Variants in TTC28 observed in about 807,000 individuals in gnomAD.
The protein encoded by TTC28 is tetratricopeptide repeat protein 28.
A neutral mutation model predicts 198.0 loss-of-function variants in TTC28; 61 were observed. The ratio of observed to expected loss-of-function variants is 0.31; its 90% CI spans 0.25 to 0.38. The LOEUF is 0.38. Ranked by LOEUF, TTC28 falls within the 10% of genes least tolerant of loss-of-function variation. The pLI is 1.00. For missense variants in TTC28, 2,678 were observed against 3,164.0 expected, an observed-to-expected ratio of 0.85 and a Z score of 3.69; for synonymous variants, 1,171 against 1,297.8, an observed-to-expected ratio of 0.90 and a Z score of 2.10.
intron 2 of TTC28, among the ~76,000 whole-genome samples, chr22:28,562,597 C>T (rs1051847102): frequency 6.6e-6 from 1 of 151,908 alleles, no homozygotes; most frequent in Admixed American, 6.6e-5. Flanking sequence ...ATTATCTAAG[C>T]ACCTTGTACT....
intron 6 of TTC28, among the ~76,000 whole-genome samples, chr22:28,155,342 A>G (rs1943727494): frequency 6.6e-6 from 1 of 152,182 alleles, no homozygotes; most frequent in South Asian, 2.1e-4. Flanking sequence ...ATTCAATCTA[A>G]CCATACAAAT....
chr22:28,537,338 T>C (rs185324886), intron 2 of TTC28, among the ~76,000 whole-genome samples: 2,195 of 142,366 alleles, frequency 0.015, 74 homozygotes, highest in Non-Finnish European at 0.023. Context: ...TAAAATAAAA[T>C]AAAAACAAGA....
chr22:28,621,246 A>C (rs1173550740), intron 2 of TTC28, among the ~76,000 whole-genome samples: 1 of 152,220 alleles, frequency 6.6e-6, no homozygotes, highest in Non-Finnish European at 1.5e-5. Context: ...CAGAATCTTG[A>C]CTATCAATCC....
chr22:28,646,866 G>T (rs1393454452), intron 1 of TTC28, among the ~76,000 whole-genome samples: 1 of 147,714 alleles, frequency 6.8e-6, no homozygotes, highest in Non-Finnish European at 1.5e-5. Flanking sequence ...TCTGTCGAAA[G>T]AAAGAAAGGA....
chr22:28,437,514 C>A (rs695388), intron 2 of TTC28, among the ~76,000 whole-genome samples: 71,097 of 152,040 alleles, frequency 0.47, 17,146 homozygotes, highest in South Asian at 0.54. Context: ...AGAACATTTA[C>A]TAGACAAGGA....
intron 5 of TTC28, among the ~76,000 whole-genome samples, chr22:28,216,581 A>G (rs1343069097): frequency 6.6e-6 from 1 of 152,134 alleles, no homozygotes; most frequent in African/African-American, 2.4e-5. Flanking sequence ...CATACAAAGG[A>G]AAGGTTAAAA....
intron 1 of TTC28, among the ~76,000 whole-genome samples, chr22:28,663,347 A>G (rs2051783193): frequency 6.9e-6 from 1 of 145,952 alleles, no homozygotes; most frequent in Non-Finnish European, 1.5e-5. Flanking sequence ...CGTGAGCGAC[A>G]CAGAAGACGG....
intron 2 of TTC28, among the ~76,000 whole-genome samples, chr22:28,399,031 T>TA (rs1399059067): frequency 6.6e-5 from 10 of 151,448 alleles, no homozygotes; most frequent in African/African-American, 2.2e-4. Flanking sequence ...TTTTTTTTTT[T>TA]ACATTTCTAA....
intron 20 of TTC28, chr22:27,990,225 GC>G (rs1430999767): frequency 3.5e-6 from 2 of 567,908 alleles, no homozygotes; most frequent in Non-Finnish European, 2.8e-6. Context: ...AGGCTGTGTG[GC>G]CTCCTGGGGC....
chr22:28,127,487 G>T (rs1421908875), intron 6 of TTC28, among the ~76,000 whole-genome samples: 1 of 152,066 alleles, frequency 6.6e-6, no homozygotes, highest in Non-Finnish European at 1.5e-5. Flanking sequence ...AGATAATACT[G>T]TCCAATAACA....
At chr22:28,392,964 C>T (rs1018501796) in intron 2 of TTC28, among the ~76,000 whole-genome samples, 2 of 150,146 alleles carry the variant, frequency 1.3e-5, no homozygotes, top group Admixed American at 6.7e-5. Flanking sequence ...GCAACCTCGA[C>T]CTCCTGGGCT....
chr22:27,990,016 G>A lies in TTC28; in HGVS notation c.5578-9C>T. The A allele has an allele frequency of 6.5e-7, 1 of 1,549,244 alleles. No individual in the cohort carries two copies. Among genetic ancestry groups the A allele is most frequent in the African/African-American group, 1.4e-5 (1 of 73,150 alleles). Reference sequence around the variant, plus strand: ...ACCAGCACCTGGTGGAGCTGAGGAAGGGGGGACAGCGTGAGCACCCTGTGT... The same window carrying A: ...ACCAGCACCTGGTGGAGCTGAGGAAAGGGGGACAGCGTGAGCACCCTGTGT... On this transcript the variant is annotated splice_polypyrimidine_tract_variant and intron_variant, in intron 20 of 22. Transcript: ENST00000397906.
At chr22:28,200,583 A>C (rs1925838229) in intron 5 of TTC28, among the ~76,000 whole-genome samples, 1 of 152,164 alleles carries the variant, frequency 6.6e-6, no homozygotes, top group Non-Finnish European at 1.5e-5. Context: ...CATAGTTGGG[A>C]AAGAAAAGTT....
chr22:28,331,471 C>A (rs2045615641), intron 2 of TTC28, among the ~76,000 whole-genome samples: 1 of 152,006 alleles, frequency 6.6e-6, no homozygotes, highest in Non-Finnish European at 1.5e-5. Flanking sequence ...CCAATGATTA[C>A]TGAATAAATA....
chr22:28,083,012 T>C (rs1404287846), intron 12 of TTC28, among the ~76,000 whole-genome samples: 1 of 152,048 alleles, frequency 6.6e-6, no homozygotes, highest in African/African-American at 2.4e-5. Context: ...TATATTTCTA[T>C]AAATCTGCAA....
chr22:28,270,695 C>A (rs1274624045), intron 5 of TTC28, among the ~76,000 whole-genome samples: 2 of 152,174 alleles, frequency 1.3e-5, no homozygotes, highest in Admixed American at 1.3e-4. Flanking sequence ...AGTCATACAT[C>A]CTTGTACAGT....
chr22:28,255,855 C>T (rs2147285283), intron 5 of TTC28, among the ~76,000 whole-genome samples: 1 of 152,116 alleles, frequency 6.6e-6, no homozygotes, highest in East Asian at 1.9e-4. Context: ...AAATATGCAC[C>T]TTTGCTCTTC....
In TTC28 at chr22:27,981,996, G is replaced by T; in HGVS notation, c.*225C>A. ...GTGAAGTGTGTAGGAAATTCCATGA[G>T]CCTCCTGTACCAGCCCCACAGAAGT... On this transcript the variant is annotated 3_prime_UTR_variant, in exon 23 of 23. Coordinates refer to ENST00000397906, the MANE Select transcript of TTC28 (RefSeq NM_001145418.2). 2.3e-6 allele frequency: 1 copy of T among 431,892 alleles called. No homozygotes were observed. 26.8% of individuals were successfully genotyped at this position (431,892 alleles called of 1,614,324 possible). A position where few individuals can be genotyped will look rare whatever the true frequency, so the allele number is the denominator to read the frequency against.
chr22:28,160,933 C>T (rs1921100284), intron 6 of TTC28, among the ~76,000 whole-genome samples: 1 of 152,026 alleles, frequency 6.6e-6, no homozygotes, highest in African/African-American at 2.4e-5. Context: ...TTCACAGAAA[C>T]CTAGAGAGAA....
Sources: gnomAD v4.1 joint callset for allele counts (sites outside exome capture counted in the v4.1 genomes callset) on GRCh38, gnomAD v4.1.1 for gene constraint, MANE v1.5 for transcripts, NCBI Gene and HGNC (gene_info 2026-07-23, HGNC 2026-07-21) for gene names.